AGBL1: variants seen among roughly 807,000 people sequenced by gnomAD.
AGBL1 encodes cytosolic carboxypeptidase 4.
AGBL1 carries 130 observed loss-of-function variants against 118.9 expected under a neutral mutation model. That is an observed-to-expected ratio of 1.09 (90% CI 0.95 to 1.26). AGBL1 has a LOEUF of 1.26. Among genes scored for constraint, AGBL1 ranks in the 50% most tolerant of loss-of-function variants. AGBL1 has a pLI of 0.00. For missense variants in AGBL1, 1,584 were observed against 1,298.1 expected (o/e 1.22, Z -3.38); for synonymous variants, 555 against 478.9 (o/e 1.16, Z -2.08).
chr15:86,305,875 C>T lies in AGBL1; in HGVS notation c.2374+10467C>T, dbSNP rs184270878. ...TCCCATTAATCTGAGACTTGACAGC[C>T]TCGCCAGATTCTGTGCTACCACTTT... On this transcript the variant is annotated intron_variant, in intron 17 of 22. Transcript: ENST00000614907. 1.1e-4 allele frequency among the ~76,000 whole-genome samples: 16 copies of T among 152,264 alleles called. No homozygotes were observed. The East Asian group carries it at 2.9e-3, about 28-fold the overall frequency.
intron 22 of AGBL1, among the ~76,000 whole-genome samples, chr15:86,804,124 A>G (rs1356719554): frequency 6.6e-6 from 1 of 152,194 alleles, no homozygotes; most frequent in Non-Finnish European, 1.5e-5. Context: ...CAGAAATTCC[A>G]GCCCTTTAGT....
intron 24 of AGBL1, among the ~76,000 whole-genome samples, chr15:86,995,765 G>C (rs1217134846): frequency 1.3e-5 from 2 of 152,158 alleles, no homozygotes; most frequent in Middle Eastern, 3.4e-3. Flanking sequence ...GTGTTTGTTT[G>C]GTTTGATGCT....
At chr15:86,594,881 C>T (rs1339679659) in intron 21 of AGBL1, among the ~76,000 whole-genome samples, 1 of 152,134 alleles carries the variant, frequency 6.6e-6, no homozygotes, top group Middle Eastern at 3.2e-3. Flanking sequence ...GCCTTTATGC[C>T]TACTTGAATA....
intron 17 of AGBL1, among the ~76,000 whole-genome samples, chr15:86,346,688 T>C (rs2080543320): frequency 6.6e-6 from 1 of 152,218 alleles, no homozygotes; most frequent in Non-Finnish European, 1.5e-5. Flanking sequence ...TCATTCTTTA[T>C]GGTCAAGTGA....
intron 21 of AGBL1, among the ~76,000 whole-genome samples, chr15:86,645,100 A>C (rs907092305): frequency 1.3e-5 from 2 of 152,174 alleles, no homozygotes; most frequent in African/African-American, 4.8e-5. Flanking sequence ...AATTAGAAAA[A>C]AATTGAATAT....
intron 21 of AGBL1, among the ~76,000 whole-genome samples, chr15:86,651,864 G>T (rs1003885169): frequency 6.6e-6 from 1 of 152,122 alleles, no homozygotes; most frequent in Non-Finnish European, 1.5e-5. Flanking sequence ...AGTCCTGGTT[G>T]CCCCATCTGA....
In AGBL1 at chr15:86,923,115, GTGA is replaced by G. The variant is rs139358986; in HGVS notation, c.3222-64869_3222-64867del. On this transcript the variant is annotated intron_variant, in intron 23 of 24. Coordinates refer to the AGBL1 transcript ENST00000441037. ...GCTGAAGCTGGATATCACTAATGTG[GTGA>G]TGTGTCTATCTGCGCTCTCATCCCT... Among the ~76,000 whole-genome samples, 234 of 152,306 alleles carry G rather than the reference GTGA, an allele frequency of 1.5e-3. 1 individual carries two copies. Among genetic ancestry groups the G allele is most frequent in the African/African-American group, 5.0e-3 (206 of 41,560 alleles).
chr15:86,826,577 TTCCCAAAG>T (rs1455494183), intron 22 of AGBL1, among the ~76,000 whole-genome samples: 1 of 152,140 alleles, frequency 6.6e-6, no homozygotes, highest in Non-Finnish European at 1.5e-5. Context: ...CTGGGTCCCA[TTCCCAAAG>T]TCTCATTTAG....
intron 22 of AGBL1, among the ~76,000 whole-genome samples, chr15:86,781,607 C>A (rs942860439): frequency 1.3e-5 from 2 of 152,112 alleles, no homozygotes; most frequent in Non-Finnish European, 2.9e-5. Flanking sequence ...TCTCTACATA[C>A]CTTTCTAGGA....
At chr15:86,559,439 C>T (rs1407196923) in intron 21 of AGBL1, among the ~76,000 whole-genome samples, 1 of 152,104 alleles carries the variant, frequency 6.6e-6, no homozygotes, top group East Asian at 1.9e-4. Flanking sequence ...TTTCTCTCCA[C>T]CTCATGATGA....
chr15:86,156,204 A>C (rs1322894956), intron 4 of AGBL1, among the ~76,000 whole-genome samples: 1 of 152,166 alleles, frequency 6.6e-6, no homozygotes, highest in Admixed American at 6.5e-5. Context: ...TACAGGCGTG[A>C]GCCACCATGC....
chr15:86,397,985 C>G (rs1217870180), intron 18 of AGBL1, among the ~76,000 whole-genome samples: 1 of 152,076 alleles, frequency 6.6e-6, no homozygotes, highest in Non-Finnish European at 1.5e-5. Flanking sequence ...AAAGTCAGGG[C>G]CCAAACTGTG....
intron 21 of AGBL1, among the ~76,000 whole-genome samples, chr15:86,645,291 G>A (rs1266165907): frequency 6.6e-6 from 1 of 152,166 alleles, no homozygotes; most frequent in Non-Finnish European, 1.5e-5. Flanking sequence ...ACTTGTGTGT[G>A]TAAAAAGAGC....
intron 22 of AGBL1, among the ~76,000 whole-genome samples, chr15:86,755,125 A>G (rs919372740): frequency 6.6e-6 from 1 of 152,090 alleles, no homozygotes; most frequent in African/African-American, 2.4e-5. Context: ...CTTTCATACT[A>G]CTTTCATACT....
At chr15:86,275,972 A>G (rs1453251818) in intron 15 of AGBL1, among the ~76,000 whole-genome samples, 2 of 152,212 alleles carry the variant, frequency 1.3e-5, no homozygotes, top group Non-Finnish European at 2.9e-5. Context: ...AGTGTTCTGA[A>G]GATAAAATAA....
At chr15:86,564,833 T>C (rs903624590) in intron 21 of AGBL1, among the ~76,000 whole-genome samples, 6 of 152,214 alleles carry the variant, frequency 3.9e-5, no homozygotes, top group African/African-American at 1.4e-4. Flanking sequence ...TTTGTTTGTT[T>C]TCACTCTTTT....
chr15:86,813,531 G>T (rs2078820826), intron 22 of AGBL1, among the ~76,000 whole-genome samples: 1 of 152,110 alleles, frequency 6.6e-6, no homozygotes, highest in South Asian at 2.1e-4. Flanking sequence ...TTTCTTTGCT[G>T]TCTTCCAAAG....
chr15:86,705,369 G>A (rs925747118), intron 22 of AGBL1, among the ~76,000 whole-genome samples: 1 of 152,060 alleles, frequency 6.6e-6, no homozygotes. Flanking sequence ...TATTAACAAC[G>A]TAAGAATGGA....
At chr15:86,895,105 C>CT (rs981050522) in intron 22 of AGBL1, among the ~76,000 whole-genome samples, 1 of 151,712 alleles carries the variant, frequency 6.6e-6, no homozygotes, top group African/African-American at 2.4e-5. Flanking sequence ...CCTTCCCTTT[C>CT]TTTTTTCCTT....
Sources: allele counts gnomAD v4.1 joint callset (sites outside exome capture counted in the v4.1 genomes callset), GRCh38; gene constraint gnomAD v4.1.1; transcripts MANE v1.5; gene names NCBI Gene and HGNC (gene_info 2026-07-23, HGNC 2026-07-21).